The following DTD2 variants were observed in gnomAD, a reference collection of about 807,000 sequenced individuals.
DTD2 encodes the protein D-aminoacyl-tRNA deacylase 2.
A neutral mutation model predicts 15.5 loss-of-function variants in DTD2; 12 were observed. The observed-to-expected ratio is 0.77, with a 90% CI of 0.50 to 1.25. The LOEUF (loss-of-function observed/expected upper bound fraction) is 1.25, where lower values mean the gene tolerates loss of function less well. Ranked by LOEUF, DTD2 falls within the 50% of genes most tolerant of loss-of-function variation. DTD2 has a pLI of 0.00. For synonymous variants in DTD2, 59 were observed against 77.3 expected, an observed-to-expected ratio of 0.76 and a Z score of 1.24; for missense variants, 170 against 201.1, an observed-to-expected ratio of 0.85 and a Z score of 0.93.
At chr14:31,451,311 CT>C (rs1366007174) in intron 2 of DTD2, among the ~76,000 whole-genome samples, 7 of 151,974 alleles carry the variant, frequency 4.6e-5, no homozygotes, top group Non-Finnish European at 1.0e-4. Flanking sequence ...CCACACCCGG[CT>C]AATTTTTTTG....
chr14:31,457,209 C>T, intron 1 of DTD2, 74 bp downstream of exon 1: 2 of 1,342,380 alleles, frequency 1.5e-6, no homozygotes, highest in Non-Finnish European at 1.0e-6. Flanking sequence ...ACAGAGCGGA[C>T]GAGTCACCGA....
At chr14:31,457,193 G>T in intron 1 of DTD2, 90 bp downstream of exon 1, 1 of 1,232,940 alleles carries the variant, frequency 8.1e-7, no homozygotes, top group Non-Finnish European at 1.1e-6. Flanking sequence ...GGTCTCAGAG[G>T]GAGACACAGA....
In DTD2 at chr14:31,453,268, C is replaced by T. The variant is rs1339497772; in HGVS notation, c.181+7G>A. The T allele has an allele frequency of 6.2e-7, 1 of 1,613,706 alleles. No individual in the cohort carries two copies. Among genetic ancestry groups the T allele is most frequent in the African/African-American group, 1.3e-5 (1 of 74,906 alleles). ...CTCTTAAAAAAGAAACAAAGTCAAA[C>T]ACATACCCATTTTGGGAAGAAGTTC... is the stretch of plus-strand genomic sequence containing the variant. On this transcript the variant is annotated splice_region_variant and intron_variant, in intron 2 of 2. Coordinates refer to ENST00000310850, the MANE Select transcript of DTD2 (RefSeq NM_080664.3).
intron 2 of DTD2, among the ~76,000 whole-genome samples, chr14:31,451,204 G>A (rs2032028925): frequency 6.8e-6 from 1 of 146,998 alleles, no homozygotes; most frequent in Admixed American, 6.9e-5. Flanking sequence ...CTGGAGTGCA[G>A]TGGCGTGATC....
chr14:31,457,255 A>G, intron 1 of DTD2, 28 bp downstream of exon 1: 1 of 1,543,070 alleles, frequency 6.5e-7, no homozygotes, highest in Non-Finnish European at 8.7e-7. Context: ...ACGCCGGAGG[A>G]TAACGAGAGC....
At chr14:31,455,575 A>ATTAT (rs1223614329) in intron 1 of DTD2, among the ~76,000 whole-genome samples, 1 of 149,462 alleles carries the variant, frequency 6.7e-6, no homozygotes, top group Non-Finnish European at 1.5e-5. Flanking sequence ...AAAAAGGATA[A>ATTAT]TTATTTTATT....
chr14:31,451,082 G>T (rs1264417557), intron 2 of DTD2, among the ~76,000 whole-genome samples: 1 of 151,438 alleles, frequency 6.6e-6, no homozygotes, highest in African/African-American at 2.4e-5. Flanking sequence ...GACAGAATGT[G>T]TAACACTCCA....
chr14:31,457,353 A>C lies in DTD2; in HGVS notation c.41T>G (p.Leu14Arg). 28 of 1,590,432 alleles carry C rather than the reference A, an allele frequency of 1.8e-5. No homozygotes were observed. The highest frequency in any genetic ancestry group is 2.4e-5 in the Non-Finnish European group (28 of 1,170,020). The change falls in exon 1 of 3, where the codon CTA becomes CGA. Residue 14 changes from leucine to arginine, a missense_variant. Physicochemically the swap from Leu to Arg is moderately radical, Grantham distance 102. Coordinates refer to ENST00000310850, the MANE Select transcript of DTD2 (RefSeq NM_080664.3). ...GSRIPQARAL[L>R]QQCLHARLQI... ...CAGCCGGGCGTGCAGGCACTGCTGT[A>C]GGAGCGCCCGGGCCTGAGGAATCCG...
At position 31,446,309 on chromosome 14, in the gene DTD2, ATTAG is replaced by A. The variant is rs1762491205; in HGVS notation, c.*1816_*1819del. 6.7e-6 allele frequency: 1 copy of A among 149,234 alleles called. No homozygotes were observed. The highest frequency in any genetic ancestry group is 2.2e-4 in the South Asian group (1 of 4,624). 9.2% of individuals were successfully genotyped at this position (149,234 alleles called of 1,614,324 possible). ...TATTTACCTTTTTTTGCCAATTAGAATTAGTTATTTGGTTTTTACTCTTAAAAAA... is the reference window on the plus strand; with the variant it reads ...TATTTACCTTTTTTTGCCAATTAGAATTATTTGGTTTTTACTCTTAAAAAA... On this transcript the variant is annotated 3_prime_UTR_variant, in exon 3 of 3. Coordinates refer to ENST00000310850, the MANE Select transcript of DTD2 (RefSeq NM_080664.3).
At chr14:31,451,360 G>A (rs1223810553) in intron 2 of DTD2, among the ~76,000 whole-genome samples, 2 of 152,010 alleles carry the variant, frequency 1.3e-5, no homozygotes, top group Non-Finnish European at 2.9e-5. Flanking sequence ...ATGTTAGCCA[G>A]GATGGTCTTG....
Position 31,448,261 on chromosome 14 carries a change from TAG to T in DTD2, c.373_374del (p.Leu125MetfsTer2), listed in dbSNP as rs774373969. 1 of 1,614,026 alleles carries T rather than the reference TAG, an allele frequency of 6.2e-7. No homozygotes were observed. The highest frequency in any genetic ancestry group is 8.5e-7 in the Non-Finnish European group (1 of 1,180,006). On this transcript the variant is annotated frameshift_variant, in exon 3 of 3. Transcript: ENST00000310850. LOFTEE classifies it high-confidence loss of function. ...TATTAGCAGCTACTTCTTTTTCACATAGAGTCACAAATTGAGAGTAAAGTTCA... is the reference window on the plus strand; with the variant it reads ...TATTAGCAGCTACTTCTTTTTCACATAGTCACAAATTGAGAGTAAAGTTCA... ...GFELYSQFVTLCEKEVAANSK... is the reference protein window; with the variant it reads ...GFELYSQFVTXCEKEVAANSK...
chr14:31,446,076 T>A lies in DTD2; in HGVS notation c.*2053A>T, dbSNP rs1391175590. ...ATAGTTTATTACATTTCAGTAAGTGTATTGTGAATCAATAAAGCAAAAGTT... is the reference window on the plus strand; with the variant it reads ...ATAGTTTATTACATTTCAGTAAGTGAATTGTGAATCAATAAAGCAAAAGTT... On this transcript the variant is annotated 3_prime_UTR_variant, in exon 3 of 3. Transcript: ENST00000310850. The A allele has an allele frequency of 1.3e-5, 2 of 152,216 alleles. No homozygotes were observed. The highest frequency in any genetic ancestry group is 1.5e-5 in the Non-Finnish European group (1 of 68,042). 9.4% of individuals were successfully genotyped at this position (152,216 alleles called of 1,614,324 possible).
At chr14:31,454,509 A>G (rs879849992) in intron 1 of DTD2, among the ~76,000 whole-genome samples, 7 of 152,234 alleles carry the variant, frequency 4.6e-5, no homozygotes, top group African/African-American at 9.6e-5. Context: ...ACCCACGAGA[A>G]GCTGGCAAGT....
At position 31,447,345 on chromosome 14, in the gene DTD2, A is replaced by C. The variant is rs1199582663; in HGVS notation, c.*784T>G. ...GTGACTTACATATGGAAATACAGAA[A>C]ACTGAAATAGTAAACAAAATTAACA... is the stretch of plus-strand genomic sequence containing the variant. On this transcript the variant is annotated 3_prime_UTR_variant, in exon 3 of 3. Transcript: ENST00000310850. The C allele has an allele frequency of 6.6e-6, 1 of 152,136 alleles. No individual in the cohort carries two copies. Among genetic ancestry groups the C allele is most frequent in the Non-Finnish European group, 1.5e-5 (1 of 68,026 alleles). The allele number at this position is 152,136 out of a possible 1,614,324, so 9.4% of individuals were successfully genotyped here. A position where few individuals can be genotyped will look rare whatever the true frequency, so the allele number is the denominator to read the frequency against.
intron 2 of DTD2, among the ~76,000 whole-genome samples, chr14:31,451,308 C>G (rs1017385115): frequency 6.6e-6 from 1 of 151,906 alleles, no homozygotes; most frequent in Non-Finnish European, 1.5e-5. Context: ...CCACCACACC[C>G]GGCTAATTTT....
chr14:31,448,774 G>A (rs894176338), intron 2 of DTD2, among the ~76,000 whole-genome samples: 2 of 152,240 alleles, frequency 1.3e-5, no homozygotes, highest in East Asian at 1.9e-4. Context: ...TCCCCTGGGG[G>A]AATACATGAG....
rs371816898 is a variant in DTD2, at chr14:31,453,258, C to G, written c.181+17G>C. On this transcript the variant is annotated intron_variant, in intron 2 of 2. Coordinates refer to ENST00000310850, the MANE Select transcript of DTD2 (RefSeq NM_080664.3). ...TGGCCTCTCACTCTTAAAAAAGAAACAAAGTCAAACACATACCCATTTTGG... is the reference window on the plus strand; with the variant it reads ...TGGCCTCTCACTCTTAAAAAAGAAAGAAAGTCAAACACATACCCATTTTGG... 3.7e-6 allele frequency: 6 copies of G among 1,613,238 alleles called. No homozygotes were observed. The African/African-American group carries it at 8.0e-5, about 22-fold the overall frequency.
intron 2 of DTD2, 30 bp downstream of exon 2, chr14:31,453,245 C>T: frequency 6.2e-7 from 1 of 1,611,156 alleles, no homozygotes; most frequent in Non-Finnish European, 8.5e-7. Context: ...GCCTCTCACT[C>T]TTAAAAAAGA....
At chr14:31,454,511 C>G (rs978775261) in intron 1 of DTD2, among the ~76,000 whole-genome samples, 1 of 152,212 alleles carries the variant, frequency 6.6e-6, no homozygotes, top group Non-Finnish European at 1.5e-5. Flanking sequence ...CCACGAGAAG[C>G]TGGCAAGTTA....
Sources: allele counts gnomAD v4.1 joint callset (sites outside exome capture counted in the v4.1 genomes callset), GRCh38; gene constraint gnomAD v4.1.1; transcripts MANE v1.5; gene names NCBI Gene and HGNC (gene_info 2026-07-23, HGNC 2026-07-21).